Variants in INTS2 observed in about 807,000 individuals in gnomAD.
The protein encoded by INTS2 is KIAA1287.
Under a neutral mutation model 139.6 loss-of-function variants are expected in INTS2, and 57 were observed. That is an observed-to-expected ratio of 0.41 (90% CI 0.33 to 0.51). The LOEUF is 0.51. Ranked by LOEUF, INTS2 falls within the 20% of genes least tolerant of loss-of-function variation. INTS2 has a pLI of 0.28. For missense variants in INTS2, 1,196 were observed against 1,436.7 expected (o/e 0.83, Z 2.71); for synonymous variants, 473 against 493.4 (o/e 0.96, Z 0.55).
Position 61,867,487 on chromosome 17 carries a change from G to T in INTS2, c.*70C>A. The T allele has an allele frequency of 1.1e-6, 1 of 898,592 alleles. No homozygotes were observed. Among genetic ancestry groups the T allele is most frequent in the Non-Finnish European group, 1.7e-6 (1 of 583,324 alleles). 55.7% of individuals were successfully genotyped at this position (898,592 alleles called of 1,614,324 possible). A position where few individuals can be genotyped will look rare whatever the true frequency, so the allele number is the denominator to read the frequency against. On this transcript the variant is annotated 3_prime_UTR_variant, in exon 25 of 25. Transcript: ENST00000251334. The surrounding 1 kb of genome is among the most constrained non-coding windows in gnomAD (Gnocchi z 5.6). ...CTTTACTGTTCCCATTCAGTTTAGAGTTGTTACTAATATGCAGATTCATGT... is the reference window on the plus strand; with the variant it reads ...CTTTACTGTTCCCATTCAGTTTAGATTTGTTACTAATATGCAGATTCATGT...
At chr17:61,888,980 A>AG (rs1234622231) in intron 15 of INTS2, among the ~76,000 whole-genome samples, 1 of 152,026 alleles carries the variant, frequency 6.6e-6, no homozygotes, top group Admixed American at 6.6e-5. Context: ...AGCCAAGATC[A>AG]TGCCACTGCA....
chr17:61,904,374 G>A (rs2079439294), intron 9 of INTS2, 86 bp downstream of exon 9: 1 of 978,036 alleles, frequency 1.0e-6, no homozygotes, highest in Non-Finnish European at 1.5e-6. Flanking sequence ...AGCTTTTGTA[G>A]AAAACTCTTA....
At position 61,882,295 on chromosome 17, in the gene INTS2, A is replaced by G. The variant is rs1051364408; in HGVS notation, c.2090-1124T>C. 2.6e-5 allele frequency among the ~76,000 whole-genome samples: 4 copies of G among 152,160 alleles called. No individual in the cohort carries two copies. Among genetic ancestry groups the G allele is most frequent in the Admixed American group, 2.6e-4 (4 of 15,272 alleles). Reference sequence around the variant, plus strand: ...GAGAAGCAGTACTGATGATACCCACAATGGGGGGCATTTTTTCTTGGTTCA... The same window carrying G: ...GAGAAGCAGTACTGATGATACCCACGATGGGGGGCATTTTTTCTTGGTTCA... On this transcript the variant is annotated intron_variant, in intron 16 of 24. Coordinates refer to ENST00000251334, the MANE Select transcript of INTS2 (RefSeq NM_001351695.2). The surrounding 1 kb of genome is among the most constrained non-coding windows in gnomAD (Gnocchi z 4.7).
chr17:61,911,731 T>C lies in INTS2; in HGVS notation c.781-38A>G, dbSNP rs752482613. On this transcript the variant is annotated intron_variant, in intron 6 of 24. Coordinates refer to ENST00000251334, the MANE Select transcript of INTS2 (RefSeq NM_001351695.2). ...AGAAAACAAACTGAATTCAGTATCATAAGCAAAAAGGCCAGTGATGCTTCC... is the reference window on the plus strand; with the variant it reads ...AGAAAACAAACTGAATTCAGTATCACAAGCAAAAAGGCCAGTGATGCTTCC... 30 of 1,583,958 alleles carry C rather than the reference T, an allele frequency of 1.9e-5. No individual in the cohort carries two copies. The African/African-American group carries it at 2.6e-4, about 14-fold the overall frequency.
At chr17:61,904,868 A>G (rs2079444591) in intron 8 of INTS2, among the ~76,000 whole-genome samples, 1 of 152,088 alleles carries the variant, frequency 6.6e-6, no homozygotes, top group South Asian at 2.1e-4. Context: ...TTAATAATCA[A>G]TGGTGAAAAG....
chr17:61,900,004 A>G (rs185938973), intron 9 of INTS2, among the ~76,000 whole-genome samples: 8 of 152,104 alleles, frequency 5.3e-5, no homozygotes, highest in Non-Finnish European at 1.2e-4. Context: ...GAATTCATGT[A>G]CCTAATTTTA....
In INTS2 at chr17:61,868,936, A is replaced by C; in HGVS notation, c.3244+98T>G. 1 of 717,282 alleles carries C rather than the reference A, an allele frequency of 1.4e-6. No individual in the cohort carries two copies. Among genetic ancestry groups the C allele is most frequent in the Non-Finnish European group, 2.4e-6 (1 of 410,550 alleles). The allele number at this position is 717,282 out of a possible 1,614,324, so 44.4% of individuals were successfully genotyped here. A position where few individuals can be genotyped will look rare whatever the true frequency, so the allele number is the denominator to read the frequency against. On this transcript the variant is annotated intron_variant, in intron 23 of 24. Coordinates refer to ENST00000251334, the MANE Select transcript of INTS2 (RefSeq NM_001351695.2). This position sits in a 1 kb window ranked among gnomAD's most constrained non-coding sequence, Gnocchi z 4.7. ...AACACATATTGTATCATACTGTCTC[A>C]GAGTGACAGAAAAAACATATTGCAT...
Position 61,875,170 on chromosome 17 carries a change from A to T in INTS2, c.2457-132T>A. On this transcript the variant is annotated intron_variant, in intron 18 of 24. Coordinates refer to ENST00000251334, the MANE Select transcript of INTS2 (RefSeq NM_001351695.2). The surrounding 1 kb of genome is among the most constrained non-coding windows in gnomAD (Gnocchi z 4.6). ...AATACATATGAATGAACTTTGAAAA[A>T]ATTTAAGCTACAGACATCTAACCTA... 2 of 577,824 alleles carry T rather than the reference A, an allele frequency of 3.5e-6. No homozygotes were observed. Among genetic ancestry groups the T allele is most frequent in the Non-Finnish European group, 5.5e-6 (2 of 365,762 alleles). The allele number at this position is 577,824 out of a possible 1,614,324, so 35.8% of individuals were successfully genotyped here. A position where few individuals can be genotyped will look rare whatever the true frequency, so the allele number is the denominator to read the frequency against.
At chr17:61,898,002 G>GT (rs2079366428) in intron 9 of INTS2, among the ~76,000 whole-genome samples, 1 of 152,090 alleles carries the variant, frequency 6.6e-6, no homozygotes. Context: ...GTTGGAAAGA[G>GT]TAAGATTCTT....
At chr17:61,890,916 G>A (rs541183010) in intron 14 of INTS2, among the ~76,000 whole-genome samples, 39 of 145,884 alleles carry the variant, frequency 2.7e-4, no homozygotes, top group South Asian at 1.1e-3. Flanking sequence ...CCCAGGAAGC[G>A]GAGGTTGTAG....
At chr17:61,899,105 G>T (rs1358721788) in intron 9 of INTS2, among the ~76,000 whole-genome samples, 1 of 152,174 alleles carries the variant, frequency 6.6e-6, no homozygotes, top group African/African-American at 2.4e-5. Context: ...AAATAATAAA[G>T]TGTTATGTAG....
At chr17:61,917,255 T>C (rs373394129) in intron 5 of INTS2, among the ~76,000 whole-genome samples, 22 of 152,276 alleles carry the variant, frequency 1.4e-4, no homozygotes, top group African/African-American at 4.8e-4. Context: ...AAAACAGAAC[T>C]ACCATTCGAC....
At chr17:61,923,884 C>T (rs559288971) in intron 3 of INTS2, among the ~76,000 whole-genome samples, 1 of 152,260 alleles carries the variant, frequency 6.6e-6, no homozygotes, top group South Asian at 2.1e-4. Flanking sequence ...AACTCCCAAC[C>T]TCAGGTGATC....
At chr17:61,903,163 T>G (rs1485130085) in intron 9 of INTS2, among the ~76,000 whole-genome samples, 1 of 134,486 alleles carries the variant, frequency 7.4e-6, no homozygotes. Context: ...CTAGACTCCG[T>G]CTCAAAAAAG....
chr17:61,888,734 A>C lies in INTS2; in HGVS notation c.1984+1052T>G, dbSNP rs925049944. On this transcript the variant is annotated intron_variant, in intron 15 of 24. Coordinates refer to ENST00000251334, the MANE Select transcript of INTS2 (RefSeq NM_001351695.2). ...CCAGCCCAATGTTAACGGCAAAACGAAACTCTTCGGCCAGGCGCAGTGGCT... is the reference window on the plus strand; with the variant it reads ...CCAGCCCAATGTTAACGGCAAAACGCAACTCTTCGGCCAGGCGCAGTGGCT... 1.9e-3 allele frequency among the ~76,000 whole-genome samples: 289 copies of C among 152,086 alleles called. 5 individuals carry two copies. The highest frequency in any genetic ancestry group is 6.5e-4 in the Non-Finnish European group (44 of 68,004).
In INTS2 at chr17:61,876,058, A is replaced by G. The variant is rs1406078800; in HGVS notation, c.2457-1020T>C. ...GGGGGTATGCACCTGTAGTCCAGCT[A>G]TTTGGGAGGCTGAGGCAGAAGGATC... is the stretch of plus-strand genomic sequence containing the variant. On this transcript the variant is annotated intron_variant, in intron 18 of 24. Coordinates refer to ENST00000251334, the MANE Select transcript of INTS2 (RefSeq NM_001351695.2). This position sits in a 1 kb window ranked among gnomAD's most constrained non-coding sequence, Gnocchi z 4.1. Among the ~76,000 whole-genome samples, 1 of 151,966 alleles carries G rather than the reference A, an allele frequency of 6.6e-6. No homozygotes were observed. The highest frequency in any genetic ancestry group is 1.9e-4 in the East Asian group (1 of 5,186).
intron 5 of INTS2, among the ~76,000 whole-genome samples, chr17:61,916,050 C>G (rs971094037): frequency 3.9e-4 from 59 of 151,980 alleles, no homozygotes; most frequent in Non-Finnish European, 7.9e-4. Context: ...GCAATCCTAA[C>G]AAAAAGAACA....
At chr17:61,892,159 G>A (rs2079301772) in intron 13 of INTS2, among the ~76,000 whole-genome samples, 1 of 152,092 alleles carries the variant, frequency 6.6e-6, no homozygotes, top group Non-Finnish European at 1.5e-5. Flanking sequence ...AATGTTGGGG[G>A]TGCATGTGAA....
At chr17:61,892,953 CAAAAAAAAAA>C (rs58426330) in intron 13 of INTS2, among the ~76,000 whole-genome samples, 2 of 44,172 alleles carry the variant, frequency 4.5e-5, no homozygotes, top group South Asian at 1.3e-3. Flanking sequence ...GACTCCATCT[CAAAAAAAAAA>C]AAAAAAAAAA....
Sources: gnomAD v4.1 joint callset for allele counts (sites outside exome capture counted in the v4.1 genomes callset) on GRCh38, gnomAD v4.1.1 for gene constraint, Gnocchi (gnomAD v3.1) non-coding constraint, MANE v1.5 for transcripts, NCBI Gene and HGNC (gene_info 2026-07-23, HGNC 2026-07-21) for gene names.